IMMP2L: variants seen among roughly 807,000 people sequenced by gnomAD.
IMMP2L encodes the protein inner mitochondrial membrane peptidase subunit 2, also known as mitochondrial inner membrane protease subunit 2.
In IMMP2L, 18 loss-of-function variants were observed where a neutral mutation model predicts 19.3. That is an observed-to-expected ratio of 0.93 (90% CI 0.64 to 1.38). IMMP2L has a LOEUF of 1.38. Ranked by LOEUF, IMMP2L falls within the 40% of genes most tolerant of loss-of-function variation. The pLI is 0.00. For synonymous variants in IMMP2L, 76 were observed against 73.0 expected (o/e 1.04, Z -0.21); for missense variants, 233 against 218.2 (o/e 1.07, Z -0.43).
intron 3 of IMMP2L, among the ~76,000 whole-genome samples, chr7:111,008,350 C>T (rs1442021471): frequency 6.6e-6 from 1 of 152,072 alleles, no homozygotes; most frequent in East Asian, 1.9e-4. Flanking sequence ...ACCAAGAATG[C>T]TACTGGCTCA....
At chr7:111,355,430 A>G (rs112605777) in intron 3 of IMMP2L, among the ~76,000 whole-genome samples, 15 of 151,882 alleles carry the variant, frequency 9.9e-5, no homozygotes, top group African/African-American at 1.4e-4. Context: ...AACTTCTTCA[A>G]TGTAAATTGT....
chr7:110,705,656 T>C (rs1413407679), intron 5 of IMMP2L, among the ~76,000 whole-genome samples: 1 of 152,066 alleles, frequency 6.6e-6, no homozygotes, highest in Non-Finnish European at 1.5e-5. Context: ...TGCTGAGGTT[T>C]GGGATATGAA....
chr7:111,101,903 G>A (rs1281475128), intron 3 of IMMP2L, among the ~76,000 whole-genome samples: 1 of 151,352 alleles, frequency 6.6e-6, no homozygotes, highest in Non-Finnish European at 1.5e-5. Flanking sequence ...TAGAGTACTA[G>A]GTTATGTATC....
rs560023551 is a variant in IMMP2L at position 110,849,275 on chromosome 7, A to T, written c.408+37318T>A. On this transcript the variant is annotated intron_variant, in intron 5 of 5. Transcript: ENST00000405709. ...CTAATTTTAAAAAAACTCAGTGTAC[A>T]TATCTATCTGATTTTTTGATAAAGA... Among the ~76,000 whole-genome samples, 44 of 152,278 alleles carry T rather than the reference A, an allele frequency of 2.9e-4. 1 individual carries two copies. The South Asian group carries it at 5.4e-3, about 19-fold the overall frequency.
chr7:111,022,426 C>T (rs1378248015), intron 3 of IMMP2L, among the ~76,000 whole-genome samples: 1 of 152,100 alleles, frequency 6.6e-6, no homozygotes, highest in Non-Finnish European at 1.5e-5. Context: ...CTCAGTGCTG[C>T]AAGTCAATCT....
Position 111,213,109 on chromosome 7 carries a change from A to T in IMMP2L, c.240-249544T>A, listed in dbSNP as rs1356186497. 6.6e-6 allele frequency among the ~76,000 whole-genome samples: 1 copy of T among 152,234 alleles called. No individual in the cohort carries two copies. The highest frequency in any genetic ancestry group is 1.5e-5 in the Non-Finnish European group (1 of 68,036). ...AACCCAGGCATTTCTACACTCTTGG[A>T]GGCCAGGAAAGGCCCCCTGTCTCTG... is the stretch of plus-strand genomic sequence containing the variant. On this transcript the variant is annotated intron_variant, in intron 3 of 5. Coordinates refer to ENST00000405709, the MANE Select transcript of IMMP2L (RefSeq NM_032549.4). The surrounding 1 kb of genome is among the most constrained non-coding windows in gnomAD (Gnocchi z 4.8).
At chr7:110,921,860 T>C (rs988338695) in intron 4 of IMMP2L, among the ~76,000 whole-genome samples, 1 of 152,180 alleles carries the variant, frequency 6.6e-6, no homozygotes, top group Non-Finnish European at 1.5e-5. Context: ...AGTAGACTAC[T>C]CCAAGATAAC....
intron 5 of IMMP2L, among the ~76,000 whole-genome samples, chr7:110,784,657 A>G (rs1302315728): frequency 1.3e-5 from 2 of 151,972 alleles, no homozygotes; most frequent in African/African-American, 2.4e-5. Flanking sequence ...AAACCTCTCA[A>G]TGAGGTCTCC....
At chr7:110,833,635 T>C (rs1027496889) in intron 5 of IMMP2L, among the ~76,000 whole-genome samples, 2 of 152,144 alleles carry the variant, frequency 1.3e-5, no homozygotes, top group Non-Finnish European at 2.9e-5. Flanking sequence ...TAGAAGACGA[T>C]TTAAAGCAAT....
At chr7:111,023,873 C>A (rs1015967709) in intron 3 of IMMP2L, among the ~76,000 whole-genome samples, 2 of 152,098 alleles carry the variant, frequency 1.3e-5, no homozygotes, top group Admixed American at 6.5e-5. Flanking sequence ...TGACTCTCAT[C>A]AAATTTTCAA....
At chr7:110,821,976 A>G (rs1311883418) in intron 5 of IMMP2L, among the ~76,000 whole-genome samples, 1 of 152,092 alleles carries the variant, frequency 6.6e-6, no homozygotes. Context: ...ATAACAACAT[A>G]GTCAGAAACT....
chr7:111,528,203 C>T (rs765158824), intron 1 of IMMP2L, among the ~76,000 whole-genome samples: 9 of 152,110 alleles, frequency 5.9e-5, no homozygotes, highest in African/African-American at 1.2e-4. Flanking sequence ...TCAGATGATC[C>T]GGTCTTTTGT....
intron 5 of IMMP2L, among the ~76,000 whole-genome samples, chr7:110,801,380 C>A (rs1028612600): frequency 1.3e-5 from 2 of 152,068 alleles, no homozygotes; most frequent in African/African-American, 4.8e-5. Flanking sequence ...GCTCTCTAGA[C>A]CTCTGTCTCG....
chr7:111,327,912 T>C (rs1825484908), intron 3 of IMMP2L, among the ~76,000 whole-genome samples: 2 of 151,742 alleles, frequency 1.3e-5, no homozygotes, highest in South Asian at 2.1e-4. Context: ...TTTAACTACA[T>C]ACCTGAATCA....
chr7:111,421,762 T>G (rs1287599710), intron 3 of IMMP2L, among the ~76,000 whole-genome samples: 1 of 151,822 alleles, frequency 6.6e-6, no homozygotes, highest in Non-Finnish European at 1.5e-5. Flanking sequence ...TTGTTGCCAT[T>G]GCTTATGGTG....
At chr7:110,730,817 G>A (rs530062704) in intron 5 of IMMP2L, among the ~76,000 whole-genome samples, 47 of 152,176 alleles carry the variant, frequency 3.1e-4, no homozygotes, top group Non-Finnish European at 2.5e-4. Context: ...GAGCCGCCGC[G>A]CCCGGCCGGG....
chr7:110,985,690 A>G (rs1821789702), intron 3 of IMMP2L, among the ~76,000 whole-genome samples: 1 of 152,178 alleles, frequency 6.6e-6, no homozygotes, highest in Non-Finnish European at 1.5e-5. Flanking sequence ...CAACATGAAA[A>G]TACTGAAGTT....
At chr7:110,855,206 G>T (rs1277743018) in intron 5 of IMMP2L, among the ~76,000 whole-genome samples, 1 of 151,910 alleles carries the variant, frequency 6.6e-6, no homozygotes, top group Non-Finnish European at 1.5e-5. Context: ...TGACCAAGAA[G>T]AAATTGCTGC....
intron 3 of IMMP2L, among the ~76,000 whole-genome samples, chr7:111,056,084 A>G (rs1217516409): frequency 6.6e-6 from 1 of 152,242 alleles, no homozygotes; most frequent in African/African-American, 2.4e-5. Context: ...TTACAGATAC[A>G]TTTAAGAATA....
Sources: allele counts gnomAD v4.1 joint callset (sites outside exome capture counted in the v4.1 genomes callset), GRCh38; gene constraint gnomAD v4.1.1; non-coding constraint Gnocchi (gnomAD v3.1); transcripts MANE v1.5; gene names NCBI Gene and HGNC (gene_info 2026-07-23, HGNC 2026-07-21).